Variants in SNX19 observed in about 807,000 individuals in gnomAD.
The protein encoded by SNX19 is sorting nexin-19.
SNX19 carries 60 observed loss-of-function variants against 85.2 expected under a neutral mutation model. The observed-to-expected ratio is 0.70, with a 90% CI of 0.57 to 0.87. The LOEUF (loss-of-function observed/expected upper bound fraction) is 0.87. Ranked by LOEUF, SNX19 falls within the 40% of genes least tolerant of loss-of-function variation. SNX19 has a pLI of 0.00. For synonymous variants in SNX19, 520 were observed against 470.0 expected (o/e 1.11, Z -1.38); for missense variants, 1,201 against 1,217.8 (o/e 0.99, Z 0.21).
At chr11:130,879,794 C>A in intron 9 of SNX19, 83 bp from the exon 10 acceptor site, 2 of 1,287,608 alleles carry the variant, frequency 1.6e-6, no homozygotes, top group African/African-American at 2.9e-5. Flanking sequence ...AGGATCTCTG[C>A]CGTTTTTACA....
chr11:130,874,049 TCTCA>T lies in SNX19; in HGVS notation c.*4369_*4372del, dbSNP rs1463183197. Among the ~76,000 whole-genome samples, 4 of 150,954 alleles carry T rather than the reference TCTCA, an allele frequency of 2.6e-5. No homozygotes were observed. The highest frequency in any genetic ancestry group is 1.3e-4 in the Admixed American group (2 of 15,136). ...TTGTTTTTTTTTTTTTTATTTGGGG[TCTCA>T]CTCTGTCACTTAAGGCTAGAATGCA... On this transcript the variant is annotated 3_prime_UTR_variant, in exon 11 of 11. Coordinates refer to ENST00000265909, the MANE Select transcript of SNX19 (RefSeq NM_014758.3).
At chr11:130,893,038 A>C (rs2135336556) in intron 8 of SNX19, 1 of 152,458 alleles carries the variant, frequency 6.6e-6, no homozygotes, top group African/African-American at 2.4e-5. Flanking sequence ...AAGACACAAA[A>C]GAGGGAAGAA....
rs1565494464 is a variant in SNX19, at chr11:130,873,167, T to C, written c.*5255A>G. On this transcript the variant is annotated 3_prime_UTR_variant, in exon 11 of 11. Transcript: ENST00000265909. Reference sequence around the variant, plus strand: ...TTTGGTAAGCAGTATTCTAACTCACTAGACCGCAGGTCCACAAACTGACTC... The same window carrying C: ...TTTGGTAAGCAGTATTCTAACTCACCAGACCGCAGGTCCACAAACTGACTC... 6.6e-6 allele frequency among the ~76,000 whole-genome samples: 1 copy of C among 152,224 alleles called. No homozygotes were observed. The highest frequency in any genetic ancestry group is 2.4e-5 in the African/African-American group (1 of 41,482).
rs371437880 is a variant in SNX19, at chr11:130,915,490, G to A, written c.450C>T (p.Asp150=). The A allele has an allele frequency of 7.4e-6, 12 of 1,614,070 alleles. No homozygotes were observed. The highest frequency in any genetic ancestry group is 6.8e-6 in the Non-Finnish European group (8 of 1,180,050). The change falls in exon 1 of 11, where the codon GAC becomes GAT. Residue 150 remains aspartate (D), a synonymous_variant. Coordinates refer to ENST00000265909, the MANE Select transcript of SNX19 (RefSeq NM_014758.3). ...GAACACTCTGGGCAACAGCATGACTGTCCATCACGCTCATCCTTCTCCGAA... is the reference window on the plus strand; with the variant it reads ...GAACACTCTGGGCAACAGCATGACTATCCATCACGCTCATCCTTCTCCGAA... The part of the protein sequence containing the change: ...QELRRRMSVM[D]SHAVAQSVLT...
In SNX19 at chr11:130,900,088, C is replaced by T. The variant is rs77673725; in HGVS notation, c.2573+3167G>A. Among the ~76,000 whole-genome samples, 335 of 152,200 alleles carry T rather than the reference C, an allele frequency of 2.2e-3. 8 individuals are homozygous for T. In the East Asian group the frequency reaches 0.051, roughly 23 times the overall value. ...GGTTGTAGTTGGGGAGTGTCAGGGA[C>T]AGGAATGGAAAGGTGAGGAACTTGC... is the stretch of plus-strand genomic sequence containing the variant. On this transcript the variant is annotated intron_variant, in intron 8 of 10. Coordinates refer to ENST00000265909, the MANE Select transcript of SNX19 (RefSeq NM_014758.3).
Position 130,866,791 on chromosome 11 carries a change from G to A in SNX19, c.*11631C>T, listed in dbSNP as rs1047040261. Reference sequence around the variant, plus strand: ...AGGCTTTAGGTTCATACCTGTATACGAAGGATAGTCCTGGTGTGGGGCAGC... The same window carrying A: ...AGGCTTTAGGTTCATACCTGTATACAAAGGATAGTCCTGGTGTGGGGCAGC... On this transcript the variant is annotated 3_prime_UTR_variant, in exon 11 of 11. Transcript: ENST00000265909. The A allele has an allele frequency of 2.0e-5, 3 of 152,280 alleles. No homozygotes were observed. Among genetic ancestry groups the A allele is most frequent in the East Asian group, 3.9e-4 (2 of 5,182 alleles). The allele number at this position is 152,280 out of a possible 1,614,324, so 9.4% of individuals were successfully genotyped here. A position where few individuals can be genotyped will look rare whatever the true frequency, so the allele number is the denominator to read the frequency against.
At chr11:130,905,762 G>A (rs1945613847) in intron 7 of SNX19, 191 bp downstream of exon 7, 3 of 1,537,310 alleles carry the variant, frequency 2.0e-6, no homozygotes, top group Non-Finnish European at 2.6e-6. Context: ...TCTGCTGCTT[G>A]ATTCCGCTGT....
At position 130,905,987 on chromosome 11, in the gene SNX19, G is replaced by A. The variant is rs776714960; in HGVS notation, c.2409C>T (p.Ala803=). 9 of 1,614,084 alleles carry A rather than the reference G, an allele frequency of 5.6e-6. No homozygotes were observed. Among genetic ancestry groups the A allele is most frequent in the South Asian group, 1.1e-5 (1 of 91,094 alleles). ...TGTTGCTGGGGTCTTGGGCTGGCAC[G>A]GCTGCATCTGACACGCAACTGTCCA... ...GRVDSCVSDA[A]VPAQDPSNSD... The change falls in exon 7 of 11, where the codon GCC becomes GCT. Residue 803 remains alanine, a synonymous_variant. Coordinates refer to ENST00000265909, the MANE Select transcript of SNX19 (RefSeq NM_014758.3).
intron 8 of SNX19, among the ~76,000 whole-genome samples, chr11:130,883,417 G>C (rs1943829848): frequency 6.6e-6 from 1 of 152,096 alleles, no homozygotes; most frequent in Non-Finnish European, 1.5e-5. Flanking sequence ...GGAGGCCCTG[G>C]AAAAAGTCAG....
chr11:130,879,353 G>A (rs1943485373), intron 10 of SNX19, among the ~76,000 whole-genome samples: 1 of 152,140 alleles, frequency 6.6e-6, no homozygotes, highest in South Asian at 2.1e-4. Flanking sequence ...AGCTCATGTG[G>A]GGGCCTGCAT....
rs369046356 is a variant in SNX19 at position 130,880,770 on chromosome 11, T to C, written c.2610A>G (p.Pro870=). The C allele has an allele frequency of 2.2e-5, 34 of 1,580,276 alleles. No homozygotes were observed. In the African/African-American group the frequency reaches 4.2e-4, roughly 19 times the overall value. The change falls in exon 9 of 11, where the codon CCA becomes CCG. Residue 870 remains proline (P), a synonymous_variant. Coordinates refer to ENST00000265909, the MANE Select transcript of SNX19 (RefSeq NM_014758.3). ...GCAGGAGGTACTGCACCCAGCGCTG[T>C]GGACTTGTTAAATTAGCTACCTGCA... ...LEVQVANLTS[P]QRWVQYLLLL...
At chr11:130,894,326 G>A (rs1353007729) in intron 8 of SNX19, among the ~76,000 whole-genome samples, 3 of 152,114 alleles carry the variant, frequency 2.0e-5, no homozygotes, top group Non-Finnish European at 4.4e-5. Flanking sequence ...CCACTCAAAG[G>A]GGCAACTTCT....
Position 130,914,496 on chromosome 11 carries a change from A to C in SNX19, c.1444T>G (p.Cys482Gly). Residue 482 changes from cysteine (C) to glycine (G), a missense_variant, in exon 1 of 11, where the codon TGC becomes GGC. Coordinates refer to ENST00000265909, the MANE Select transcript of SNX19 (RefSeq NM_014758.3). ...TCATTGGTGAGATCCTTCTCTAAGC[A>C]TGACGGCCGTGAGGGGCAGGTCTTT... ...PEKTCPSRPS[C>G]LEKDLTNDVS... The C allele has an allele frequency of 6.2e-7, 1 of 1,613,950 alleles. No individual in the cohort carries two copies. The highest frequency in any genetic ancestry group is 1.1e-5 in the South Asian group (1 of 91,072).
chr11:130,903,503 G>A lies in SNX19; in HGVS notation c.2444-119C>T, dbSNP rs1431199223. 1.6e-5 allele frequency: 18 copies of A among 1,101,714 alleles called. No homozygotes were observed. The East Asian group carries it at 3.8e-4, about 24-fold the overall frequency. The allele number at this position is 1,101,714 out of a possible 1,614,324, so 68.2% of individuals were successfully genotyped here. On this transcript the variant is annotated intron_variant, in intron 7 of 10. Transcript: ENST00000265909. The stretch of plus-strand genomic sequence containing the variant: ...TTCATGCCAATCATCTGGTATTTTT[G>A]CAATCCCTCTACACTCAAATCAAAA...
chr11:130,904,744 TAGA>T (rs1311538338), intron 7 of SNX19, among the ~76,000 whole-genome samples: 2 of 151,674 alleles, frequency 1.3e-5, no homozygotes, highest in East Asian at 1.9e-4. Flanking sequence ...CTCTCAGAGA[TAGA>T]AGAAGGGTTT....
chr11:130,904,126 C>T (rs921003939), intron 7 of SNX19, among the ~76,000 whole-genome samples: 2 of 152,112 alleles, frequency 1.3e-5, no homozygotes, highest in African/African-American at 2.4e-5. Context: ...GAGCTTATAC[C>T]CATGCTAAAC....
At chr11:130,890,049 A>C (rs1183418746) in intron 8 of SNX19, among the ~76,000 whole-genome samples, 5 of 152,282 alleles carry the variant, frequency 3.3e-5, no homozygotes, top group Non-Finnish European at 1.5e-5. Context: ...AGTAGATACT[A>C]ATCTATTACT....
At position 130,906,741 on chromosome 11, in the gene SNX19, C is replaced by G; in HGVS notation, c.2166-20G>C. On this transcript the variant is annotated intron_variant, in intron 5 of 10. Coordinates refer to ENST00000265909, the MANE Select transcript of SNX19 (RefSeq NM_014758.3). Reference sequence around the variant, plus strand: ...CTAGACCTGGTACAGAAACAAAGAGCAGAAACAGGTTGTAATTTATGGCCT... The same window carrying G: ...CTAGACCTGGTACAGAAACAAAGAGGAGAAACAGGTTGTAATTTATGGCCT... The G allele has an allele frequency of 6.4e-7, 1 of 1,560,000 alleles. No homozygotes were observed. The highest frequency in any genetic ancestry group is 1.7e-4 in the Middle Eastern group (1 of 5,976).
At chr11:130,899,703 T>C (rs1565531815) in intron 8 of SNX19, among the ~76,000 whole-genome samples, 1 of 152,222 alleles carries the variant, frequency 6.6e-6, no homozygotes, top group Non-Finnish European at 1.5e-5. Context: ...ACTGAACATG[T>C]ATAAAACATC....
Sources: allele counts gnomAD v4.1 joint callset (sites outside exome capture counted in the v4.1 genomes callset), GRCh38; gene constraint gnomAD v4.1.1; transcripts MANE v1.5; gene names NCBI Gene and HGNC (gene_info 2026-07-23, HGNC 2026-07-21).